Variants in GRAMD1B observed in about 807,000 individuals in gnomAD.
GRAMD1B encodes GRAM domain containing 1B.
A neutral mutation model predicts 99.7 loss-of-function variants in GRAMD1B; 37 were observed. The observed-to-expected ratio is 0.37, with a 90% CI of 0.29 to 0.49. GRAMD1B has a LOEUF of 0.49. Among genes scored for constraint, GRAMD1B ranks in the 20% least tolerant of loss-of-function variants. The pLI, the probability that GRAMD1B is intolerant of heterozygous loss-of-function variation, is 0.98. For synonymous variants in GRAMD1B, 427 were observed against 387.6 expected (o/e 1.10, Z -1.19); for missense variants, 888 against 1,009.2 (o/e 0.88, Z 1.63).
intron 2 of GRAMD1B, chr11:123,560,497 T>G: frequency 8.1e-7 from 1 of 1,231,714 alleles, no homozygotes; most frequent in Non-Finnish European, 1.0e-6. Context: ...CCCTCCCCCG[T>G]TAGAAACAGG....
chr11:123,480,445 G>A lies in GRAMD1B; in HGVS notation c.375-371G>A, dbSNP rs1401572046. ...CCATGTCAGTGGCTTGAGAGTCTCC[G>A]GTGGGCTGAGGAGAATGGGATTATA... On this transcript the variant is annotated intron_variant, in intron 1 of 19. Coordinates refer to ENST00000635736, the MANE Select transcript of GRAMD1B (RefSeq NM_001387025.1). 4.6e-5 allele frequency among the ~76,000 whole-genome samples: 7 copies of A among 152,088 alleles called. No homozygotes were observed. In the East Asian group the frequency reaches 5.8e-4, roughly 13 times the overall value.
chr11:123,421,347 G>A (rs1948428425), intron 1 of GRAMD1B, among the ~76,000 whole-genome samples: 1 of 152,232 alleles, frequency 6.6e-6, no homozygotes, highest in Non-Finnish European at 1.5e-5. Context: ...CAGACTGACT[G>A]TTAGGACTCC....
At chr11:123,408,771 C>T (rs1452184559) in intron 1 of GRAMD1B, among the ~76,000 whole-genome samples, 5 of 152,244 alleles carry the variant, frequency 3.3e-5, no homozygotes, top group African/African-American at 1.2e-4. Flanking sequence ...TGAATTATCT[C>T]TAAATTGCGC....
chr11:123,548,058 T>A (rs1199835080), intron 2 of GRAMD1B, among the ~76,000 whole-genome samples: 1 of 151,832 alleles, frequency 6.6e-6, no homozygotes, highest in Non-Finnish European at 1.5e-5. Flanking sequence ...TGATCCATAG[T>A]GTATGGACTG....
At chr11:123,504,459 T>G (rs1441583627) in intron 2 of GRAMD1B, among the ~76,000 whole-genome samples, 1 of 152,162 alleles carries the variant, frequency 6.6e-6, no homozygotes, top group Non-Finnish European at 1.5e-5. Flanking sequence ...TGTTCCTCCC[T>G]CCTTATCTTG....
intron 1 of GRAMD1B, among the ~76,000 whole-genome samples, chr11:123,363,274 A>G (rs1438324135): frequency 6.6e-6 from 1 of 152,106 alleles, no homozygotes; most frequent in South Asian, 2.1e-4. Flanking sequence ...TAAACAAATG[A>G]CCCCGTGATG....
chr11:123,599,376 A>G, intron 7 of GRAMD1B: 2 of 685,036 alleles, frequency 2.9e-6, no homozygotes, highest in South Asian at 2.7e-5. Context: ...TTTAGTGAGC[A>G]TCTCTTTGGC....
At chr11:123,428,998 C>A (rs1948750511), upstream of GRAMD1B, among the ~76,000 whole-genome samples, 1 of 152,090 alleles carries the variant, frequency 6.6e-6, no homozygotes, top group South Asian at 2.1e-4. Context: ...TTGAGACCAG[C>A]CTGGGCAATA....
intron 19 of GRAMD1B, 75 bp downstream of exon 19, chr11:123,619,299 T>C: frequency 6.5e-7 from 1 of 1,537,806 alleles, no homozygotes; most frequent in Non-Finnish European, 8.7e-7. Context: ...GTGAGAAAGA[T>C]CCTCGTCTCT....
intron 3 of GRAMD1B, among the ~76,000 whole-genome samples, chr11:123,579,199 C>T (rs148353345): frequency 1.3e-3 from 191 of 152,298 alleles, no homozygotes; most frequent in African/African-American, 4.4e-3. Flanking sequence ...GAACGTGCAG[C>T]GAGTGGAGGG....
intron 1 of GRAMD1B, among the ~76,000 whole-genome samples, chr11:123,433,746 G>A (rs1007672377): frequency 1.3e-5 from 2 of 151,840 alleles, no homozygotes; most frequent in African/African-American, 2.4e-5. Flanking sequence ...ATCTTGCATT[G>A]CTGGCTAGGA....
At chr11:123,513,102 T>C (rs1250200241) in intron 2 of GRAMD1B, among the ~76,000 whole-genome samples, 1 of 152,218 alleles carries the variant, frequency 6.6e-6, no homozygotes, top group African/African-American at 2.4e-5. Flanking sequence ...TCAATATCAC[T>C]TTTTAAATGT....
intron 1 of GRAMD1B, among the ~76,000 whole-genome samples, chr11:123,387,721 C>T (rs1221942769): frequency 6.6e-6 from 1 of 150,952 alleles, no homozygotes; most frequent in Non-Finnish European, 1.5e-5. Context: ...GCCCTCCCGC[C>T]CCCACCCGCC....
intron 1 of GRAMD1B, among the ~76,000 whole-genome samples, chr11:123,413,213 C>G (rs1948113177): frequency 6.6e-6 from 1 of 152,152 alleles, no homozygotes; most frequent in Non-Finnish European, 1.5e-5. Context: ...TGGACTCTCC[C>G]TCTTATTCAA....
At chr11:123,539,348 T>A (rs774909344) in intron 2 of GRAMD1B, among the ~76,000 whole-genome samples, 7 of 152,154 alleles carry the variant, frequency 4.6e-5, no homozygotes, top group Non-Finnish European at 1.0e-4. Flanking sequence ...ACGCCTGTAA[T>A]CTCAGCACTT....
chr11:123,503,723 T>A (rs1402071383), intron 2 of GRAMD1B, among the ~76,000 whole-genome samples: 1 of 152,112 alleles, frequency 6.6e-6, no homozygotes, highest in Non-Finnish European at 1.5e-5. Context: ...ATTTTGTATT[T>A]TTTAGTAAAG....
At chr11:123,491,924 C>T in intron 2 of GRAMD1B, 1 of 399,256 alleles carries the variant, frequency 2.5e-6, no homozygotes, top group Non-Finnish European at 4.4e-6. Context: ...ACCACGTCTC[C>T]TCCCTGAGGA....
chr11:123,572,607 G>C (rs1436699535), intron 2 of GRAMD1B, among the ~76,000 whole-genome samples: 1 of 152,210 alleles, frequency 6.6e-6, no homozygotes, highest in Non-Finnish European at 1.5e-5. Context: ...AGAGCACCGG[G>C]TGGGGACATG....
intron 17 of GRAMD1B, among the ~76,000 whole-genome samples, chr11:123,616,755 A>C (rs965417822): frequency 6.6e-6 from 1 of 152,202 alleles, no homozygotes; most frequent in Non-Finnish European, 1.5e-5. Flanking sequence ...ACAACTGCGC[A>C]GGCTTCACTT....
Sources: gnomAD v4.1 joint callset for allele counts (sites outside exome capture counted in the v4.1 genomes callset) on GRCh38, gnomAD v4.1.1 for gene constraint, MANE v1.5 for transcripts, NCBI Gene and HGNC (gene_info 2026-07-23, HGNC 2026-07-21) for gene names.